ELMOD1: variants seen among roughly 807,000 people sequenced by gnomAD.
ELMOD1 encodes ELMO domain-containing protein 1.
A neutral mutation model predicts 46.7 loss-of-function variants in ELMOD1; 21 were observed. The ratio of observed to expected loss-of-function variants is 0.45; its 90% CI spans 0.32 to 0.65. The LOEUF is 0.65. ELMOD1 is among the 30% of genes least tolerant of loss of function. The pLI is 0.04. For missense variants in ELMOD1, 348 were observed against 407.8 expected (o/e 0.85, Z 1.26); for synonymous variants, 122 against 138.2 (o/e 0.88, Z 0.82).
intron 1 of ELMOD1, chr11:107,600,879 C>CTTCT (rs1555058953): frequency 2.1e-5 from 3 of 144,680 alleles, no homozygotes; most frequent in Non-Finnish European, 4.6e-5. Context: ...TCTTCTTCTT[C>CTTCT]TTTTTTTTTT....
At chr11:107,600,553 C>A (rs1023842556) in intron 1 of ELMOD1, 6 of 152,238 alleles carry the variant, frequency 3.9e-5, no homozygotes, top group African/African-American at 1.2e-4. Flanking sequence ...ATTTTCAATG[C>A]GGTGTTCAGA....
chr11:107,618,531 T>C (rs996835657), intron 2 of ELMOD1, among the ~76,000 whole-genome samples: 2 of 152,244 alleles, frequency 1.3e-5, no homozygotes, highest in Non-Finnish European at 2.9e-5. Flanking sequence ...TAGCTGTCAA[T>C]GAATCACTTA....
intron 5 of ELMOD1, among the ~76,000 whole-genome samples, chr11:107,634,121 C>G (rs926948761): frequency 6.6e-5 from 10 of 152,082 alleles, no homozygotes; most frequent in African/African-American, 2.4e-4. Context: ...CAAACATGCT[C>G]AAAGTCCATG....
intron 6 of ELMOD1, among the ~76,000 whole-genome samples, chr11:107,638,043 A>G (rs1165707384): frequency 6.6e-6 from 1 of 152,148 alleles, no homozygotes; most frequent in Non-Finnish European, 1.5e-5. Context: ...CTCATCACAT[A>G]TAGTACATTT....
At chr11:107,620,454 T>TA (rs1339355531) in intron 2 of ELMOD1, 3 of 152,250 alleles carry the variant, frequency 2.0e-5, no homozygotes, top group Admixed American at 2.0e-4. Flanking sequence ...ATATAAGGAA[T>TA]AAATGCTATT....
intron 6 of ELMOD1, among the ~76,000 whole-genome samples, chr11:107,645,089 A>ATT (rs11390120): frequency 0.23 from 23,853 of 102,876 alleles, 3,179 homozygotes; most frequent in Admixed American, 0.27. Context: ...TGCCTGGCTA[A>ATT]TTTTTTTTTT....
intron 11 of ELMOD1, among the ~76,000 whole-genome samples, chr11:107,657,634 T>A (rs1418211076): frequency 6.6e-6 from 1 of 152,148 alleles, no homozygotes; most frequent in Non-Finnish European, 1.5e-5. Flanking sequence ...ACCTTACCAA[T>A]CAAGTATGGG....
chr11:107,652,248 G>C (rs1367458230), intron 9 of ELMOD1, among the ~76,000 whole-genome samples: 2 of 152,234 alleles, frequency 1.3e-5, no homozygotes, highest in African/African-American at 2.4e-5. Context: ...GTGTTCAAGA[G>C]AGAAAAGTCA....
At position 107,592,177 on chromosome 11, in the gene ELMOD1, C is replaced by T. The variant is rs564446448; in HGVS notation, c.-86+768C>T. ...ATGCTCAACCTCTAAGCGGCGAGTT[C>T]GGTAACACATCTTATGAATATTTCA... On this transcript the variant is annotated intron_variant, in intron 1 of 11. Transcript: ENST00000265840. 1.3e-5 allele frequency: 5 copies of T among 377,266 alleles called. No homozygotes were observed. The Admixed American group carries it at 1.4e-4, about 11-fold the overall frequency. 23.4% of individuals were successfully genotyped at this position (377,266 alleles called of 1,614,324 possible).
intron 11 of ELMOD1, among the ~76,000 whole-genome samples, chr11:107,661,078 G>T (rs1245578474): frequency 1.3e-5 from 2 of 152,118 alleles, no homozygotes; most frequent in Admixed American, 1.3e-4. Flanking sequence ...CACCATTTCT[G>T]CATTTTGATT....
rs77161783 is a variant in ELMOD1 at position 107,624,965 on chromosome 11, T to C, written c.18-5452T>C. Among the ~76,000 whole-genome samples, 9 of 152,276 alleles carry C rather than the reference T, an allele frequency of 5.9e-5. No homozygotes were observed. The East Asian group carries it at 1.2e-3, about 20-fold the overall frequency. On this transcript the variant is annotated intron_variant, in intron 2 of 11. Coordinates refer to ENST00000265840, the MANE Select transcript of ELMOD1 (RefSeq NM_018712.4). ...TGTGATCTCTTCAGAAAAAGAATAA[T>C]GTGAAAAAACCACAGGGCCCCACAC... is the stretch of plus-strand genomic sequence containing the variant.
At chr11:107,653,677 T>G (rs1866568869) in intron 9 of ELMOD1, 2 of 151,664 alleles carry the variant, frequency 1.3e-5, no homozygotes, top group African/African-American at 4.8e-5. Flanking sequence ...CTTTTCTTTC[T>G]TTTACTAACT....
chr11:107,639,132 G>T (rs1866278427), intron 6 of ELMOD1, among the ~76,000 whole-genome samples: 1 of 152,148 alleles, frequency 6.6e-6, no homozygotes, highest in African/African-American at 2.4e-5. Context: ...CTGGGCAATA[G>T]AGTGTGACCT....
At chr11:107,650,528 C>A in intron 8 of ELMOD1, 125 bp downstream of exon 8, 1 of 749,996 alleles carries the variant, frequency 1.3e-6, no homozygotes, top group Non-Finnish European at 2.2e-6. Context: ...CAAACAAGCC[C>A]TTGTAATAAA....
At chr11:107,630,317 C>A (rs1866113168) in intron 2 of ELMOD1, 100 bp from the exon 3 acceptor site, 1 of 1,088,470 alleles carries the variant, frequency 9.2e-7, no homozygotes, top group Non-Finnish European at 1.3e-6. Flanking sequence ...ATTTTTCTAA[C>A]CCCTGATTTT....
intron 2 of ELMOD1, among the ~76,000 whole-genome samples, chr11:107,619,733 A>G (rs539879887): frequency 4.6e-4 from 70 of 152,364 alleles, no homozygotes; most frequent in Non-Finnish European, 8.4e-4. Flanking sequence ...ATTAATTTGT[A>G]TATGATGATT....
chr11:107,625,185 A>G (rs964949238), intron 2 of ELMOD1, among the ~76,000 whole-genome samples: 1 of 152,190 alleles, frequency 6.6e-6, no homozygotes, highest in East Asian at 1.9e-4. Flanking sequence ...GTACCTATTG[A>G]TAAGTTAATT....
At chr11:107,618,339 T>G (rs1397598461) in intron 2 of ELMOD1, 133 bp downstream of exon 2, 3 of 1,057,916 alleles carry the variant, frequency 2.8e-6, no homozygotes, top group Non-Finnish European at 4.3e-6. Context: ...TAGCACTGCA[T>G]TTTTGCTAAG....
In ELMOD1 at chr11:107,601,834, G is replaced by C. The variant is rs995054888; in HGVS notation, c.-86+10425G>C. Among the ~76,000 whole-genome samples the C allele has an allele frequency of 4.6e-5, 7 of 152,130 alleles. No homozygotes were observed. The South Asian group carries it at 1.5e-3, about 32-fold the overall frequency. ...TACATTCATATATGTCAAATAATCT[G>C]TCAGTTCCAGTTTTTTTTTGAAGAC... On this transcript the variant is annotated intron_variant, in intron 1 of 11. Coordinates refer to ENST00000265840, the MANE Select transcript of ELMOD1 (RefSeq NM_018712.4).
Sources: gnomAD v4.1 joint callset for allele counts (sites outside exome capture counted in the v4.1 genomes callset) on GRCh38, gnomAD v4.1.1 for gene constraint, MANE v1.5 for transcripts, NCBI Gene and HGNC (gene_info 2026-07-23, HGNC 2026-07-21) for gene names.